Variants in ITPRID1 observed in about 807,000 individuals in gnomAD.
The protein encoded by ITPRID1 is protein ITPRID1.
Under a neutral mutation model 95.4 loss-of-function variants are expected in ITPRID1, and 96 were observed. That is an observed-to-expected ratio of 1.01 (90% confidence interval 0.85 to 1.19). The LOEUF (loss-of-function observed/expected upper bound fraction) is 1.19, where lower values mean the gene tolerates loss of function less well. Ranked by LOEUF, ITPRID1 falls within the 50% of genes most tolerant of loss-of-function variation. The probability of loss-of-function intolerance (pLI) is 0.00; values close to 1 mark genes in which losing one functional copy is unlikely to be tolerated. For missense variants in ITPRID1, 1,339 were observed against 1,252.9 expected, an observed-to-expected ratio of 1.07 and a Z score of -1.04; for synonymous variants, 510 against 453.6, an observed-to-expected ratio of 1.12 and a Z score of -1.58.
chr7:31,619,813 C>T (rs1374926712), intron 10 of ITPRID1, among the ~76,000 whole-genome samples: 1 of 152,104 alleles, frequency 6.6e-6, no homozygotes, highest in Non-Finnish European at 1.5e-5. Context: ...GCATTGCCTC[C>T]CTCGGGAAGC....
chr7:31,583,765 T>C (rs1260821171), intron 10 of ITPRID1, among the ~76,000 whole-genome samples: 1 of 152,174 alleles, frequency 6.6e-6, no homozygotes, highest in Admixed American at 6.5e-5. Context: ...ATGATCTGAC[T>C]ACCATAGTGG....
downstream of ITPRID1, chr7:31,658,485 T>C (rs185225383): frequency 3.7e-5 from 42 of 1,134,626 alleles, no homozygotes; most frequent in Admixed American, 1.4e-3. Flanking sequence ...AGTATCAAAG[T>C]GGTGCCCCTT....
chr7:31,646,629 C>T (rs1332270504), intron 12 of ITPRID1, among the ~76,000 whole-genome samples: 3 of 152,152 alleles, frequency 2.0e-5, no homozygotes, highest in African/African-American at 7.2e-5. Flanking sequence ...GCATGAGTAG[C>T]CCCAGCTGTG....
intron 5 of ITPRID1, among the ~76,000 whole-genome samples, chr7:31,561,094 C>T (rs760309786): frequency 3.4e-4 from 51 of 151,760 alleles, no homozygotes; most frequent in African/African-American, 1.7e-4. Context: ...TGAGCAGGAA[C>T]GACACCGTAA....
chr7:31,640,558 G>A (rs372577034), intron 10 of ITPRID1, among the ~76,000 whole-genome samples: 2 of 152,208 alleles, frequency 1.3e-5, no homozygotes, highest in African/African-American at 4.8e-5. Context: ...GCGCTAAGCT[G>A]GGTAACTATA....
chr7:31,610,689 A>C (rs1313225939), intron 10 of ITPRID1, among the ~76,000 whole-genome samples: 1 of 151,596 alleles, frequency 6.6e-6, no homozygotes, highest in Non-Finnish European at 1.5e-5. Context: ...TATCATTATA[A>C]AATGTTTTTG....
intron 1 of ITPRID1, among the ~76,000 whole-genome samples, chr7:31,548,646 C>A (rs910937915): frequency 6.6e-6 from 1 of 152,092 alleles, no homozygotes; most frequent in Non-Finnish European, 1.5e-5. Flanking sequence ...GTGATGTTCA[C>A]TGCCACAAGA....
chr7:31,559,325 C>G (rs190817397), intron 5 of ITPRID1, among the ~76,000 whole-genome samples: 3 of 152,248 alleles, frequency 2.0e-5, no homozygotes, highest in East Asian at 1.9e-4. Context: ...TGCCTTTGAG[C>G]TTTTATGGTG....
At chr7:31,533,523 T>G (rs1476825) in intron 1 of ITPRID1, among the ~76,000 whole-genome samples, 88,732 of 151,894 alleles carry the variant, frequency 0.58, 26,958 homozygotes, top group Middle Eastern at 0.71. Context: ...AATTTAATTT[T>G]TCTTCTTTCC....
intron 12 of ITPRID1, among the ~76,000 whole-genome samples, chr7:31,644,233 A>C (rs1790273614): frequency 6.6e-6 from 1 of 152,356 alleles, no homozygotes; most frequent in South Asian, 2.1e-4. Flanking sequence ...CCATGCATTC[A>C]TATGTCTAAG....
chr7:31,649,086 A>G (rs927988532), intron 12 of ITPRID1, among the ~76,000 whole-genome samples: 6 of 152,382 alleles, frequency 3.9e-5, no homozygotes, highest in African/African-American at 1.4e-4. Flanking sequence ...TAATTGCAAA[A>G]TTGCAAAATT....
At chr7:31,552,484 C>T (rs550631172) in intron 2 of ITPRID1, among the ~76,000 whole-genome samples, 5 of 152,082 alleles carry the variant, frequency 3.3e-5, no homozygotes, top group East Asian at 1.9e-4. Context: ...TATTAAAATT[C>T]GGTAGAGTGT....
At chr7:31,559,885 CG>C (rs1379990712) in intron 5 of ITPRID1, among the ~76,000 whole-genome samples, 2 of 152,184 alleles carry the variant, frequency 1.3e-5, no homozygotes, top group African/African-American at 4.8e-5. Context: ...CACAGGAACA[CG>C]AAGTTTCTGA....
In ITPRID1 at chr7:31,643,932, TAC is replaced by T. The variant is rs762412190; in HGVS notation, c.2564_2565del (p.Thr855SerfsTer11). The T allele has an allele frequency of 2.7e-5, 43 of 1,612,164 alleles. No individual in the cohort carries two copies. Among genetic ancestry groups the T allele is most frequent in the Non-Finnish European group, 3.6e-5 (43 of 1,179,240 alleles). Reference sequence around the variant, plus strand: ...CGACTTTGAAAGCCCTTCAGGACACTACAGTGAGGGAGCTATGTTCCGTAAGT... The same window carrying T: ...CGACTTTGAAAGCCCTTCAGGACACTAGTGAGGGAGCTATGTTCCGTAAGT... ...MTTLKALQDT[T>X]VRELCSCTVH... On this transcript the variant is annotated frameshift_variant, in exon 12 of 15. Transcript: ENST00000615280. LOFTEE classifies it high-confidence loss of function.
chr7:31,567,905 C>G (rs551187286), intron 5 of ITPRID1, among the ~76,000 whole-genome samples: 1 of 152,214 alleles, frequency 6.6e-6, no homozygotes, highest in African/African-American at 2.4e-5. Context: ...GCAGGTGGAT[C>G]GCTTGAGGCC....
rs1254669733 is a variant in ITPRID1 at position 31,572,129 on chromosome 7, C to T, written c.336C>T (p.Pro112=). The change falls in exon 7 of 15, where the codon CCC becomes CCT. Residue 112 remains proline (P), a synonymous_variant. Coordinates refer to ENST00000615280, the MANE Select transcript of ITPRID1 (RefSeq NM_001257967.3). ...CTTTGCATCAGTTTTCAGAAACTCC[C>T]ATCCTATCCAGAGGGACCAGTTTCA... is the stretch of plus-strand genomic sequence containing the variant. ...MRSLHQFSET[P]ILSRGTSFNS... is the part of the protein sequence containing the mutation. 8.1e-6 allele frequency: 13 copies of T among 1,611,174 alleles called. No individual in the cohort carries two copies. The highest frequency in any genetic ancestry group is 1.7e-5 in the Admixed American group (1 of 59,890).
rs191308112 is a variant in ITPRID1, at chr7:31,601,616, A to G, written c.1228+18425A>G. On this transcript the variant is annotated intron_variant, in intron 10 of 14. Coordinates refer to ENST00000615280, the MANE Select transcript of ITPRID1 (RefSeq NM_001257967.3). ...TGATTTCTGTAGTAACATCCTACACATGAATCTACTTTGCTGTCTCTAGTT... is the reference window on the plus strand; with the variant it reads ...TGATTTCTGTAGTAACATCCTACACGTGAATCTACTTTGCTGTCTCTAGTT... 5.9e-5 allele frequency among the ~76,000 whole-genome samples: 9 copies of G among 152,314 alleles called. No individual in the cohort carries two copies. The East Asian group carries it at 1.7e-3, about 29-fold the overall frequency.
intron 5 of ITPRID1, among the ~76,000 whole-genome samples, chr7:31,569,023 A>T (rs1165228060): frequency 6.6e-6 from 1 of 152,230 alleles, no homozygotes; most frequent in East Asian, 1.9e-4. Flanking sequence ...ATGTGTGTGT[A>T]ATATGCTTAG....
chr7:31,544,842 C>CA (rs1312762509), intron 1 of ITPRID1, among the ~76,000 whole-genome samples: 1 of 151,622 alleles, frequency 6.6e-6, no homozygotes, highest in Admixed American at 6.6e-5. Flanking sequence ...ATAGAGACTA[C>CA]AAAAAAAAGT....
Sources: gnomAD v4.1 joint callset for allele counts (sites outside exome capture counted in the v4.1 genomes callset) on GRCh38, gnomAD v4.1.1 for gene constraint, MANE v1.5 for transcripts, NCBI Gene and HGNC (gene_info 2026-07-23, HGNC 2026-07-21) for gene names.